SLC39A10: variants seen among roughly 807,000 people sequenced by gnomAD.
SLC39A10 encodes the protein zinc transporter ZIP10.
In SLC39A10, 13 loss-of-function variants were observed where a neutral mutation model predicts 65.1. That is an observed-to-expected ratio of 0.20 (90% CI 0.13 to 0.32). The LOEUF (loss-of-function observed/expected upper bound fraction) is 0.32. SLC39A10 is among the 10% of genes least tolerant of loss of function. The pLI is 1.00. For synonymous variants in SLC39A10, 321 were observed against 342.2 expected (o/e 0.94, Z 0.68); for missense variants, 831 against 1,018.4 (o/e 0.82, Z 2.50).
intron 3 of SLC39A10, among the ~76,000 whole-genome samples, chr2:195,689,885 A>C (rs183537640): frequency 6.6e-6 from 1 of 152,136 alleles, no homozygotes; most frequent in Non-Finnish European, 1.5e-5. Context: ...AGCATCAGCA[A>C]TTTCTTCCTG....
chr2:195,657,188 A>T, upstream of SLC39A10: 1 of 170,940 alleles, frequency 5.9e-6, no homozygotes, highest in Non-Finnish European at 1.2e-5. Flanking sequence ...TCTGCGACGC[A>T]GTTAGCGCAG....
chr2:195,701,114 A>G (rs1047408676), intron 3 of SLC39A10, among the ~76,000 whole-genome samples: 4 of 126,362 alleles, frequency 3.2e-5, no homozygotes, highest in Non-Finnish European at 4.7e-5. Flanking sequence ...GTTCGTTTTT[A>G]GTCAATATTT....
chr2:195,670,570 C>T (rs1689819516), intron 1 of SLC39A10: 2 of 151,986 alleles, frequency 1.3e-5, no homozygotes, highest in South Asian at 4.1e-4. Flanking sequence ...ACAAAAATGC[C>T]ATTTTTTTCT....
chr2:195,720,936 G>C (rs1257991202), intron 8 of SLC39A10, among the ~76,000 whole-genome samples: 1 of 152,058 alleles, frequency 6.6e-6, no homozygotes, highest in African/African-American at 2.4e-5. Context: ...AATAGAGCTG[G>C]ATTTTATATA....
At chr2:195,660,515 A>T (rs962517484) in intron 1 of SLC39A10, among the ~76,000 whole-genome samples, 2 of 152,216 alleles carry the variant, frequency 1.3e-5, no homozygotes, top group African/African-American at 2.4e-5. Context: ...TTTTGCTAAA[A>T]TAAGGTAATG....
At chr2:195,667,677 G>A (rs568032588) in intron 1 of SLC39A10, among the ~76,000 whole-genome samples, 1 of 152,118 alleles carries the variant, frequency 6.6e-6, no homozygotes, top group Non-Finnish European at 1.5e-5. Flanking sequence ...CGTATACATT[G>A]GTTTATTTGG....
intron 8 of SLC39A10, among the ~76,000 whole-genome samples, chr2:195,720,595 T>C (rs540990944): frequency 6.6e-6 from 1 of 152,344 alleles, no homozygotes; most frequent in Admixed American, 6.5e-5. Context: ...ATAGAACTTA[T>C]CATATAAATT....
In SLC39A10 at chr2:195,713,416, T is replaced by A; in HGVS notation, c.1576-17T>A. 1 of 1,521,498 alleles carries A rather than the reference T, an allele frequency of 6.6e-7. No homozygotes were observed. The highest frequency in any genetic ancestry group is 2.4e-5 in the East Asian group (1 of 42,004). 94.2% of individuals were successfully genotyped at this position (1,521,498 alleles called of 1,614,324 possible). On this transcript the variant is annotated splice_polypyrimidine_tract_variant and intron_variant, in intron 5 of 9. Coordinates refer to ENST00000359634, the MANE Select transcript of SLC39A10 (RefSeq NM_020342.3). ...ATTTTATACTAATATCAGATACTAT[T>A]TTTTTTCTTTTTTTAGGGAAAACAG...
At chr2:195,714,946 G>A (rs1691734532) in intron 6 of SLC39A10, among the ~76,000 whole-genome samples, 1 of 151,872 alleles carries the variant, frequency 6.6e-6, no homozygotes, top group Non-Finnish European at 1.5e-5. Flanking sequence ...TAGAGATGGG[G>A]TTTCACCATG....
chr2:195,658,132 C>G (rs897613154), intron 1 of SLC39A10: 7 of 152,466 alleles, frequency 4.6e-5, no homozygotes, highest in African/African-American at 1.7e-4. Flanking sequence ...CTCTCCGGGT[C>G]TGGGAATCTG....
At chr2:195,644,576 G>C (rs889126466) in intron 2 of SLC39A10, among the ~76,000 whole-genome samples, 1 of 151,724 alleles carries the variant, frequency 6.6e-6, no homozygotes, top group African/African-American at 2.4e-5. Context: ...TCCTGACCTT[G>C]TGATCCGCCC....
chr2:195,637,397 AT>A (rs1464984053), intron 2 of SLC39A10, among the ~76,000 whole-genome samples: 1 of 152,192 alleles, frequency 6.6e-6, no homozygotes, highest in African/African-American at 2.4e-5. Flanking sequence ...TATCTCATAT[AT>A]TTATCTCATA....
At chr2:195,675,544 T>G (rs974974279) in intron 1 of SLC39A10, among the ~76,000 whole-genome samples, 1 of 152,198 alleles carries the variant, frequency 6.6e-6, no homozygotes. Flanking sequence ...CATGCCATTC[T>G]CCTCAGCCTC....
chr2:195,728,198 A>C lies in SLC39A10; in HGVS notation c.2186A>C (p.Lys729Thr). 1.2e-6 allele frequency: 2 copies of C among 1,613,876 alleles called. No homozygotes were observed. Among genetic ancestry groups the C allele is most frequent in the Non-Finnish European group, 1.7e-6 (2 of 1,179,804 alleles). ...CTTCTTAAAGCAGGCATGACTGTAAAGCAAGCAATTGTATACAACCTCCTC... is the reference window on the plus strand; with the variant it reads ...CTTCTTAAAGCAGGCATGACTGTAACGCAAGCAATTGTATACAACCTCCTC... ...AVLLKAGMTV[K>T]QAIVYNLLSA... The change falls in exon 9 of 10, where the codon AAG (lysine) becomes ACG (threonine). Residue 729 changes from lysine to threonine, a missense_variant. Transcript: ENST00000359634. The surrounding 1 kb of genome is among the most constrained non-coding windows in gnomAD (Gnocchi z 4.4).
chr2:195,682,684 C>T (rs776414042), intron 2 of SLC39A10, among the ~76,000 whole-genome samples: 2 of 151,690 alleles, frequency 1.3e-5, no homozygotes, highest in Non-Finnish European at 2.9e-5. Flanking sequence ...GTATCACATC[C>T]GTGAGGTTTG....
intron 2 of SLC39A10, among the ~76,000 whole-genome samples, chr2:195,633,292 C>T (rs533742330): frequency 1.3e-5 from 2 of 152,362 alleles, no homozygotes; most frequent in African/African-American, 4.8e-5. Context: ...CTCAACCCCT[C>T]GTGGGAGGGA....
At chr2:195,730,333 GTTTA>G (rs769657956) in intron 9 of SLC39A10, among the ~76,000 whole-genome samples, 1 of 151,852 alleles carries the variant, frequency 6.6e-6, no homozygotes, top group East Asian at 1.9e-4. Flanking sequence ...CTGTTTGTTT[GTTTA>G]TTTGTTTGTT....
At chr2:195,626,732 A>C (rs1247386627) in intron 2 of SLC39A10, among the ~76,000 whole-genome samples, 1 of 152,232 alleles carries the variant, frequency 6.6e-6, no homozygotes, top group Non-Finnish European at 1.5e-5. Context: ...AGTTAGAGTC[A>C]GCTGGAAAGT....
At chr2:195,673,781 G>A (rs1039674681) in intron 1 of SLC39A10, among the ~76,000 whole-genome samples, 1 of 152,212 alleles carries the variant, frequency 6.6e-6, no homozygotes, top group African/African-American at 2.4e-5. Context: ...TGCAGGTTAT[G>A]TGGTATCTTT....
Sources: allele counts gnomAD v4.1 joint callset (sites outside exome capture counted in the v4.1 genomes callset), GRCh38; gene constraint gnomAD v4.1.1; non-coding constraint Gnocchi (gnomAD v3.1); transcripts MANE v1.5; gene names NCBI Gene and HGNC (gene_info 2026-07-23, HGNC 2026-07-21).